The following EPS15 variants were observed in gnomAD, a reference collection of about 807,000 sequenced individuals.
EPS15 encodes the protein epidermal growth factor receptor substrate 15.
EPS15 carries 72 observed loss-of-function variants against 113.8 expected under a neutral mutation model. The observed-to-expected ratio is 0.63, with a 90% confidence interval of 0.52 to 0.77. The LOEUF is 0.77. Ranked by LOEUF, EPS15 falls within the 30% of genes least tolerant of loss-of-function variation. The pLI, the probability that EPS15 is intolerant of heterozygous loss-of-function variation, is 0.00. For synonymous variants in EPS15, 344 were observed against 363.4 expected (o/e 0.95, Z 0.61); for missense variants, 1,048 against 1,045.8 (o/e 1.00, Z -0.03).
At chr1:51,467,187 C>A (rs1188977110) in intron 5 of EPS15, among the ~76,000 whole-genome samples, 4 of 152,192 alleles carry the variant, frequency 2.6e-5, no homozygotes, top group Non-Finnish European at 5.9e-5. Flanking sequence ...GTATGCTAGC[C>A]AAAGTGTACA....
chr1:51,472,755 A>T, intron 3 of EPS15, 104 bp downstream of exon 3: 1 of 844,084 alleles, frequency 1.2e-6, no homozygotes, highest in Non-Finnish European at 1.9e-6. Flanking sequence ...ACTCGGTTCT[A>T]ACTTCTAAAT....
chr1:51,450,652 T>C (rs1653471017), intron 8 of EPS15, among the ~76,000 whole-genome samples: 1 of 151,858 alleles, frequency 6.6e-6, no homozygotes. Flanking sequence ...GTACCACCCC[T>C]ATGAAGGGCA....
At chr1:51,476,449 T>C (rs1038913869) in intron 2 of EPS15, among the ~76,000 whole-genome samples, 1 of 152,198 alleles carries the variant, frequency 6.6e-6, no homozygotes, top group Non-Finnish European at 1.5e-5. Flanking sequence ...TTGAGGAATT[T>C]ACCCATTTCT....
chr1:51,445,390 A>G (rs1652954236), intron 10 of EPS15, among the ~76,000 whole-genome samples: 1 of 152,234 alleles, frequency 6.6e-6, no homozygotes, highest in Admixed American at 6.5e-5. Context: ...AAGATATTAA[A>G]GATAAAATCT....
chr1:51,400,712 CAAAAAAA>C (rs375748381), intron 19 of EPS15, among the ~76,000 whole-genome samples, 199 bp downstream of exon 19: 138 of 60,194 alleles, frequency 2.3e-3, no homozygotes, highest in African/African-American at 7.4e-3. Context: ...CAAAAAACAC[CAAAAAAA>C]AAAAAAAAAA....
Position 51,445,927 on chromosome 1 carries a change from G to A in EPS15, c.798-882C>T, listed in dbSNP as rs560477198. ...AAAGCTTAGGCATAACATTAAGCCC[G>A]TGACAACTGCCATTTATTGAGTATA... On this transcript the variant is annotated intron_variant, in intron 10 of 24. Coordinates refer to ENST00000371733, the MANE Select transcript of EPS15 (RefSeq NM_001981.3). Among the ~76,000 whole-genome samples the A allele has an allele frequency of 1.3e-4, 20 of 152,324 alleles. No individual in the cohort carries two copies. The East Asian group carries it at 2.7e-3, about 21-fold the overall frequency.
chr1:51,462,363 CA>C (rs1557493091), intron 7 of EPS15, among the ~76,000 whole-genome samples: 1 of 123,558 alleles, frequency 8.1e-6, no homozygotes, highest in Admixed American at 8.1e-5. Flanking sequence ...AAATCCATCT[CA>C]AAAAAAGAAA....
intron 8 of EPS15, 105 bp from the exon 9 acceptor site, chr1:51,448,240 T>C (rs1653231553): frequency 2.0e-5 from 12 of 594,986 alleles, no homozygotes; most frequent in Non-Finnish European, 3.3e-5. Flanking sequence ...TCTCAAATCC[T>C]TTTTTAAGAA....
chr1:51,394,261 T>C (rs967655215), intron 21 of EPS15, 120 bp downstream of exon 21: 1 of 564,034 alleles, frequency 1.8e-6, no homozygotes, highest in Middle Eastern at 4.5e-4. Context: ...TACTATTGGA[T>C]ATAATTATGC....
rs907275826 is a variant in EPS15 at position 51,356,596 on chromosome 1, C to A, written c.*104G>T. ...TGTCACATTTACAGGAATCTCAAAC[C>A]TTTTGTATTCCCATGCTCACAGGTA... is the stretch of plus-strand genomic sequence containing the variant. On this transcript the variant is annotated 3_prime_UTR_variant, in exon 25 of 25. Coordinates refer to ENST00000371733, the MANE Select transcript of EPS15 (RefSeq NM_001981.3). 1.1e-5 allele frequency: 11 copies of A among 976,868 alleles called. No individual in the cohort carries two copies. The highest frequency in any genetic ancestry group is 2.3e-4 in the Middle Eastern group (1 of 4,328). The allele number at this position is 976,868 out of a possible 1,614,324, so 60.5% of individuals were successfully genotyped here. A position where few individuals can be genotyped will look rare whatever the true frequency, so the allele number is the denominator to read the frequency against.
At chr1:51,389,544 T>C (rs955271137) in intron 21 of EPS15, among the ~76,000 whole-genome samples, 28 of 152,228 alleles carry the variant, frequency 1.8e-4, no homozygotes, top group Non-Finnish European at 3.2e-4. Flanking sequence ...TGTTTGCAGA[T>C]GACATGATTA....
chr1:51,515,191 T>C (rs1644692566), intron 1 of EPS15, among the ~76,000 whole-genome samples: 1 of 152,176 alleles, frequency 6.6e-6, no homozygotes. Context: ...ATTAGAACTG[T>C]TGTTATACCA....
chr1:51,441,555 T>C (rs1018995144), intron 11 of EPS15, among the ~76,000 whole-genome samples: 1 of 152,134 alleles, frequency 6.6e-6, no homozygotes, highest in South Asian at 2.1e-4. Flanking sequence ...TTAATACTTA[T>C]GTTGTTGTAT....
At chr1:51,497,059 G>A (rs921877622) in intron 1 of EPS15, among the ~76,000 whole-genome samples, 11 of 152,092 alleles carry the variant, frequency 7.2e-5, no homozygotes, top group Middle Eastern at 3.2e-3. Context: ...TCTGCATTCT[G>A]CATACAGAAA....
At chr1:51,379,125 G>GT (rs546026801) in intron 21 of EPS15, among the ~76,000 whole-genome samples, 106 of 152,110 alleles carry the variant, frequency 7.0e-4, no homozygotes, top group African/African-American at 2.4e-3. Context: ...CTCAATAATT[G>GT]TTTTTTTCTT....
chr1:51,463,779 T>C lies in EPS15; in HGVS notation c.395A>G (p.Tyr132Cys). Reference protein sequence around the residue: ...WAVKPEDKAKYDAIFDSLSPV... With the variant: ...WAVKPEDKAKCDAIFDSLSPV... ...GCTTAAACTATCAAATATTGCATCA[T>C]ATTTGGCCTTATCTTCAGGCTACAA... The change falls in exon 7 of 25, where the codon TAT becomes TGT. Residue 132 changes from tyrosine (Y) to cysteine (C), a missense_variant. By Grantham distance (194) the Tyr-to-Cys change is radical. Transcript: ENST00000371733. 1.3e-6 allele frequency: 2 copies of C among 1,596,960 alleles called. No homozygotes were observed. The highest frequency in any genetic ancestry group is 1.7e-6 in the Non-Finnish European group (2 of 1,169,018).
chr1:51,460,938 A>G, intron 8 of EPS15, 153 bp downstream of exon 8: 1 of 542,844 alleles, frequency 1.8e-6, no homozygotes, highest in South Asian at 2.2e-5. Flanking sequence ...TGGGTGACAG[A>G]GTGAGACTCT....
At chr1:51,434,166 A>G (rs1651955200) in intron 12 of EPS15, among the ~76,000 whole-genome samples, 1 of 152,242 alleles carries the variant, frequency 6.6e-6, no homozygotes, top group Non-Finnish European at 1.5e-5. Flanking sequence ...GTCTGCAATT[A>G]CCATGATTCA....
At chr1:51,402,563 C>A in intron 17 of EPS15, 38 bp from the exon 18 acceptor site, 4 of 1,098,882 alleles carry the variant, frequency 3.6e-6, no homozygotes, top group Non-Finnish European at 5.3e-6. Flanking sequence ...TTTTTAGAAA[C>A]CAAAGTTTTA....
Sources: gnomAD v4.1 joint callset for allele counts (sites outside exome capture counted in the v4.1 genomes callset) on GRCh38, gnomAD v4.1.1 for gene constraint, MANE v1.5 for transcripts, NCBI Gene and HGNC (gene_info 2026-07-23, HGNC 2026-07-21) for gene names.